Variants in PTPRF observed in about 807,000 individuals in gnomAD.
PTPRF encodes the protein protein tyrosine phosphatase receptor type F.
In PTPRF, 59 loss-of-function variants were observed where a neutral mutation model predicts 201.8. The observed-to-expected ratio is 0.29, with a 90% CI of 0.24 to 0.36. The LOEUF is 0.36. PTPRF is among the 10% of genes least tolerant of loss of function. The pLI, the probability that PTPRF is intolerant of heterozygous loss-of-function variation, is 1.00. For missense variants in PTPRF, 2,132 were observed against 2,690.5 expected, an observed-to-expected ratio of 0.79 and a Z score of 4.59; for synonymous variants, 1,088 against 1,089.7, an observed-to-expected ratio of 1.00 and a Z score of 0.03.
chr1:43,611,900 C>G (rs749620243), intron 22 of PTPRF, among the ~76,000 whole-genome samples: 1 of 152,122 alleles, frequency 6.6e-6, no homozygotes, highest in African/African-American at 2.4e-5. Context: ...GAGCTGACAT[C>G]AGGGCTGAAG....
chr1:43,595,245 C>G (rs1651957843), intron 11 of PTPRF, among the ~76,000 whole-genome samples: 1 of 152,168 alleles, frequency 6.6e-6, no homozygotes, highest in Admixed American at 6.5e-5. Flanking sequence ...AAGTGTTGCT[C>G]TGTCTCCCAG....
intron 11 of PTPRF, among the ~76,000 whole-genome samples, chr1:43,597,008 A>T (rs1652435099): frequency 6.6e-6 from 1 of 152,202 alleles, no homozygotes; most frequent in South Asian, 2.1e-4. Flanking sequence ...TGTGTGTGTG[A>T]CACTGTGAGA....
chr1:43,540,744 C>T (rs775957357), intron 2 of PTPRF, among the ~76,000 whole-genome samples: 9 of 152,238 alleles, frequency 5.9e-5, no homozygotes, highest in Non-Finnish European at 8.8e-5. Flanking sequence ...GAGGGCTGTT[C>T]CTGGCTCTGC....
At chr1:43,614,143 C>T (rs759313841) in intron 23 of PTPRF, among the ~76,000 whole-genome samples, 3 of 152,246 alleles carry the variant, frequency 2.0e-5, no homozygotes, top group Non-Finnish European at 4.4e-5. Context: ...GGTTCCCCCA[C>T]AGTCTTCAGA....
Position 43,617,747 on chromosome 1 carries a change from A to G in PTPRF, c.4207A>G (p.Ser1403Gly). The change falls in exon 25 of 34, where the codon AGT becomes GGT. Residue 1403 changes from serine (S) to glycine (G), a missense_variant. By Grantham distance (56) the Ser-to-Gly change is moderately conservative (BLOSUM62 0). Transcript: ENST00000359947. ...TTTCTTATCCATAGGCGTCCCCGGG[A>G]GTGACTACATCAATGCCAACTACAT... ...ILTSIDGVPG[S>G]DYINANYIDG... 6.2e-7 allele frequency: 1 copy of G among 1,613,424 alleles called. No homozygotes were observed. The highest frequency in any genetic ancestry group is 1.1e-5 in the South Asian group (1 of 91,058).
intron 14 of PTPRF, among the ~76,000 whole-genome samples, chr1:43,602,299 CG>C (rs1377275813): frequency 1.3e-5 from 2 of 152,226 alleles, no homozygotes; most frequent in Non-Finnish European, 2.9e-5. Flanking sequence ...TCTTGCCTGT[CG>C]AGCAGCAATT....
intron 25 of PTPRF, among the ~76,000 whole-genome samples, 173 bp downstream of exon 25, chr1:43,618,084 A>G (rs1047537400): frequency 2.6e-5 from 4 of 152,218 alleles, no homozygotes; most frequent in African/African-American, 9.7e-5. Flanking sequence ...TTTCTGGGAT[A>G]CAGCATGTTC....
At chr1:43,609,589 C>G (rs1022087565) in intron 22 of PTPRF, 91 bp downstream of exon 22, 8 of 893,448 alleles carry the variant, frequency 9.0e-6, no homozygotes, top group Non-Finnish European at 1.2e-5. Context: ...CACTGAAGTT[C>G]CTGGGCCGCA....
At position 43,597,854 on chromosome 1, in the gene PTPRF, C is replaced by T; in HGVS notation, c.1920C>T (p.Thr640=). The T allele has an allele frequency of 6.2e-7, 1 of 1,608,864 alleles. No homozygotes were observed. Among genetic ancestry groups the T allele is most frequent in the Non-Finnish European group, 8.5e-7 (1 of 1,178,212 alleles). ...CCGACAGCCGCAACGGCGTTATCACCCAGTACTCCGTGGCCTACGAGGCGG... is the reference window on the plus strand; with the variant it reads ...CCGACAGCCGCAACGGCGTTATCACTCAGTACTCCGTGGCCTACGAGGCGG... ...PPADSRNGVI[T]QYSVAYEAVD... Residue 640 remains threonine, a synonymous_variant, in exon 12 of 34, where the codon ACC becomes ACT. Transcript: ENST00000359947.
intron 21 of PTPRF, among the ~76,000 whole-genome samples, chr1:43,609,033 G>A (rs1028287326): frequency 4.6e-5 from 7 of 152,128 alleles, no homozygotes; most frequent in African/African-American, 1.4e-4. Flanking sequence ...GTTTGTTCCC[G>A]GTGGTTCCTG....
At chr1:43,581,501 C>T (rs868591735) in intron 7 of PTPRF, among the ~76,000 whole-genome samples, 2 of 152,262 alleles carry the variant, frequency 1.3e-5, no homozygotes, top group Non-Finnish European at 2.9e-5. Flanking sequence ...GCCCTACTGT[C>T]CTACTGACAG....
chr1:43,581,739 C>T (rs1647700944), intron 7 of PTPRF, among the ~76,000 whole-genome samples: 1 of 152,260 alleles, frequency 6.6e-6, no homozygotes, highest in Non-Finnish European at 1.5e-5. Context: ...TGCCAGCCTG[C>T]TTTCTGGCCT....
In PTPRF at chr1:43,619,998, G is replaced by A. The variant is rs1480867174; in HGVS notation, c.5112-97G>A. On this transcript the variant is annotated intron_variant, in intron 29 of 33. Coordinates refer to ENST00000359947, the MANE Select transcript of PTPRF (RefSeq NM_002840.5). ...GAGCAGTGAGGACTTCCTGGAGGAG[G>A]GGTGATCTGAGCAGGGCCCCAAGGG... The A allele has an allele frequency of 1.3e-6, 2 of 1,575,606 alleles. No individual in the cohort carries two copies. The highest frequency in any genetic ancestry group is 1.8e-5 in the Admixed American group (1 of 57,050).
At chr1:43,533,765 T>TA (rs1643846065) in intron 1 of PTPRF, among the ~76,000 whole-genome samples, 1 of 152,142 alleles carries the variant, frequency 6.6e-6, no homozygotes, top group Non-Finnish European at 1.5e-5. Context: ...GTCAGGGCCC[T>TA]ACCCTCGAGA....
upstream of PTPRF, among the ~76,000 whole-genome samples, chr1:43,524,547 A>G (rs1191522628): frequency 2.6e-5 from 4 of 151,972 alleles, no homozygotes; most frequent in Non-Finnish European, 5.9e-5. Context: ...GGAGAAAGTA[A>G]GCATGCAGGG....
At chr1:43,608,846 GAC>G (rs2154027942) in intron 21 of PTPRF, among the ~76,000 whole-genome samples, 1 of 152,292 alleles carries the variant, frequency 6.6e-6, no homozygotes, top group African/African-American at 2.4e-5. Context: ...GTCTGTCTCT[GAC>G]CCTGTCCTTG....
chr1:43,597,895 G>A lies in PTPRF; in HGVS notation c.1961G>A (p.Arg654His), dbSNP rs764113767. The change falls in exon 12 of 34, where the codon CGC (arginine) becomes CAC (histidine). Residue 654 changes from arginine to histidine, a missense_variant. Arg to His is a conservative substitution (Grantham distance 29). Transcript: ENST00000359947. ...VAYEAVDGED[R>H]GRHVVDGISR... ...TACGAGGCGGTGGACGGCGAGGACC[G>A]CGGGCGGCATGTGGTGGATGGCATC... is the stretch of plus-strand genomic sequence containing the variant. 8.1e-6 allele frequency: 13 copies of A among 1,606,180 alleles called. No individual in the cohort carries two copies. Among genetic ancestry groups the A allele is most frequent in the Middle Eastern group, 1.7e-4 (1 of 6,046 alleles).
chr1:43,530,849 G>C (rs1490957261), upstream of PTPRF: 1 of 151,972 alleles, frequency 6.6e-6, no homozygotes. The surrounding 1 kb of genome is among the most constrained non-coding windows in gnomAD (Gnocchi z 4.1). Flanking sequence ...GCGCGAGCGC[G>C]AGGGGAGCGC....
At chr1:43,582,731 C>A in intron 7 of PTPRF, 1 of 152,594 alleles carries the variant, frequency 6.6e-6, no homozygotes, top group Non-Finnish European at 1.5e-5. Context: ...AGAGCCCGGT[C>A]CACAGGGTCT....
Sources: gnomAD v4.1 joint callset for allele counts (sites outside exome capture counted in the v4.1 genomes callset) on GRCh38, gnomAD v4.1.1 for gene constraint, Gnocchi (gnomAD v3.1) non-coding constraint, MANE v1.5 for transcripts, NCBI Gene and HGNC (gene_info 2026-07-23, HGNC 2026-07-21) for gene names.